LRRTM3: variants seen among roughly 807,000 people sequenced by gnomAD.
LRRTM3 encodes leucine rich repeat transmembrane neuronal 3, also known as leucine-rich repeat transmembrane neuronal protein 3.
LRRTM3 carries 24 observed loss-of-function variants against 44.7 expected under a neutral mutation model. The observed-to-expected ratio is 0.54, with a 90% CI of 0.39 to 0.76. LRRTM3 has a LOEUF of 0.76. Among genes scored for constraint, LRRTM3 ranks in the 30% least tolerant of loss-of-function variants. LRRTM3 has a pLI of 0.00. For missense variants in LRRTM3, 587 were observed against 702.2 expected, an observed-to-expected ratio of 0.84 and a Z score of 1.85; for synonymous variants, 277 against 278.7, an observed-to-expected ratio of 0.99 and a Z score of 0.06.
intron 2 of LRRTM3, among the ~76,000 whole-genome samples, chr10:67,047,645 T>C (rs1436470979): frequency 2.0e-5 from 3 of 152,060 alleles, no homozygotes; most frequent in Non-Finnish European, 2.9e-5. Context: ...GTTGCTACTA[T>C]ATATTTATGA....
At chr10:66,963,052 C>T (rs1359197371) in intron 2 of LRRTM3, among the ~76,000 whole-genome samples, 2 of 152,138 alleles carry the variant, frequency 1.3e-5, no homozygotes, top group South Asian at 2.1e-4. Flanking sequence ...TGCAGTAAGA[C>T]TCACACATAC....
intron 2 of LRRTM3, among the ~76,000 whole-genome samples, chr10:67,011,973 C>A (rs1421003803): frequency 6.6e-6 from 1 of 152,152 alleles, no homozygotes; most frequent in African/African-American, 2.4e-5. Context: ...ACCAACATTA[C>A]CTCCTCTGTC....
chr10:67,061,901 T>C (rs1855776483), intron 2 of LRRTM3, among the ~76,000 whole-genome samples: 1 of 152,140 alleles, frequency 6.6e-6, no homozygotes, highest in African/African-American at 2.4e-5. Context: ...CAGAGTTTTA[T>C]AGAATTGGTG....
chr10:66,995,046 C>T (rs1409351421), intron 2 of LRRTM3, among the ~76,000 whole-genome samples: 1 of 152,128 alleles, frequency 6.6e-6, no homozygotes, highest in Non-Finnish European at 1.5e-5. Context: ...CTAAATACTC[C>T]TAAATCTAGA....
intron 2 of LRRTM3, among the ~76,000 whole-genome samples, chr10:66,997,306 T>C (rs1370627241): frequency 6.6e-6 from 1 of 152,208 alleles, no homozygotes; most frequent in Non-Finnish European, 1.5e-5. Flanking sequence ...ATGTGACTGA[T>C]ACAATCTGAG....
chr10:66,977,938 T>C (rs932056275), intron 2 of LRRTM3, among the ~76,000 whole-genome samples: 4 of 152,134 alleles, frequency 2.6e-5, no homozygotes, highest in Admixed American at 6.6e-5. Context: ...CCAAAACATA[T>C]TTTAGGAAAA....
intron 2 of LRRTM3, among the ~76,000 whole-genome samples, chr10:67,043,206 C>G (rs1299526900): frequency 6.8e-6 from 1 of 146,218 alleles, no homozygotes; most frequent in African/African-American, 2.5e-5. Context: ...AGCTCACATA[C>G]TTGAAGTGTG....
At chr10:67,041,519 C>G (rs570610811) in intron 2 of LRRTM3, among the ~76,000 whole-genome samples, 11 of 152,188 alleles carry the variant, frequency 7.2e-5, no homozygotes, top group African/African-American at 2.6e-4. Flanking sequence ...TTTCTCCTTT[C>G]ATGAAATAGT....
At chr10:66,929,403 T>G (rs1325715157) in intron 2 of LRRTM3, among the ~76,000 whole-genome samples, 1 of 152,204 alleles carries the variant, frequency 6.6e-6, no homozygotes, top group Non-Finnish European at 1.5e-5. Flanking sequence ...CTAATGTAGT[T>G]AGTAGAATCC....
intron 2 of LRRTM3, among the ~76,000 whole-genome samples, chr10:66,930,796 T>G (rs912547054): frequency 2.0e-5 from 3 of 152,118 alleles, no homozygotes; most frequent in African/African-American, 7.2e-5. Flanking sequence ...ACTTTACTAA[T>G]AAACATAATA....
At chr10:67,082,997 G>T (rs1317453605) in intron 2 of LRRTM3, among the ~76,000 whole-genome samples, 1 of 152,156 alleles carries the variant, frequency 6.6e-6, no homozygotes, top group African/African-American at 2.4e-5. Context: ...CTATAGTCAT[G>T]AGTTCTACCA....
At chr10:67,011,670 G>T (rs80219083) in intron 2 of LRRTM3, among the ~76,000 whole-genome samples, 1 of 152,058 alleles carries the variant, frequency 6.6e-6, no homozygotes, top group Non-Finnish European at 1.5e-5. Context: ...TAATGATGAC[G>T]ATAGCAAATA....
At chr10:66,928,752 TTTAAG>T (rs1423570850) in intron 2 of LRRTM3, among the ~76,000 whole-genome samples, 1 of 152,208 alleles carries the variant, frequency 6.6e-6, no homozygotes, top group East Asian at 1.9e-4. Context: ...TCGCATTTGT[TTTAAG>T]ATAAAACTTC....
intron 2 of LRRTM3, among the ~76,000 whole-genome samples, chr10:67,011,301 A>G (rs1316923412): frequency 1.3e-5 from 2 of 151,102 alleles, no homozygotes; most frequent in African/African-American, 4.9e-5. Context: ...AGATCATGCC[A>G]CTGCACTCCA....
intron 2 of LRRTM3, among the ~76,000 whole-genome samples, chr10:66,979,768 C>T (rs895796483): frequency 8.5e-5 from 13 of 152,106 alleles, no homozygotes; most frequent in African/African-American, 3.1e-4. Context: ...CATAATAGAA[C>T]TACAGCTTTT....
At chr10:67,054,869 T>C (rs887699154) in intron 2 of LRRTM3, 1 of 152,188 alleles carries the variant, frequency 6.6e-6, no homozygotes, top group Non-Finnish European at 1.5e-5. Context: ...TCCCAAGAGA[T>C]CCTGTTAGTA....
chr10:67,052,919 C>T (rs780198103), intron 2 of LRRTM3, among the ~76,000 whole-genome samples: 3 of 152,106 alleles, frequency 2.0e-5, no homozygotes, highest in Non-Finnish European at 2.9e-5. Context: ...AATAATAGTA[C>T]TCATTTGGCT....
chr10:67,083,333 AAACAGTT>A (rs1351339682), intron 2 of LRRTM3, among the ~76,000 whole-genome samples: 1 of 152,126 alleles, frequency 6.6e-6, no homozygotes, highest in Non-Finnish European at 1.5e-5. Flanking sequence ...AATGATTAGG[AAACAGTT>A]CCAATCAGTT....
At chr10:66,931,617 G>T (rs1178096864) in intron 2 of LRRTM3, among the ~76,000 whole-genome samples, 1 of 152,084 alleles carries the variant, frequency 6.6e-6, no homozygotes, top group African/African-American at 2.4e-5. Context: ...GAATCCTTAT[G>T]TAAACGTGGT....
Sources: allele counts gnomAD v4.1 joint callset (sites outside exome capture counted in the v4.1 genomes callset), GRCh38; gene constraint gnomAD v4.1.1; transcripts MANE v1.5; gene names NCBI Gene and HGNC (gene_info 2026-07-23, HGNC 2026-07-21).